Variants in ABLIM3 observed in about 807,000 individuals in gnomAD.
ABLIM3 encodes actin-binding LIM protein 3.
Under a neutral mutation model 109.5 loss-of-function variants are expected in ABLIM3, and 61 were observed. The ratio of observed to expected loss-of-function variants is 0.56; its 90% CI spans 0.45 to 0.69. The LOEUF (loss-of-function observed/expected upper bound fraction) is 0.69, where lower values mean the gene tolerates loss of function less well. Ranked by LOEUF, ABLIM3 falls within the 30% of genes least tolerant of loss-of-function variation. ABLIM3 has a pLI of 0.00. For missense variants in ABLIM3, 796 were observed against 889.5 expected (o/e 0.89, Z 1.34); for synonymous variants, 300 against 324.8 (o/e 0.92, Z 0.82).
At position 149,198,451 on chromosome 5, in the gene ABLIM3, G is replaced by C; in HGVS notation, c.335+49G>C. 6 of 1,530,380 alleles carry C rather than the reference G, an allele frequency of 3.9e-6. No individual in the cohort carries two copies. Among genetic ancestry groups the C allele is most frequent in the Non-Finnish European group, 5.3e-6 (6 of 1,141,162 alleles). The allele number at this position is 1,530,380 out of a possible 1,614,324, so 94.8% of individuals were successfully genotyped here. On this transcript the variant is annotated intron_variant, in intron 4 of 23. Coordinates refer to ENST00000309868, the MANE Select transcript of ABLIM3 (RefSeq NM_014945.5). This position sits in a 1 kb window ranked among gnomAD's most constrained non-coding sequence, Gnocchi z 4.2. The stretch of plus-strand genomic sequence containing the variant: ...TGGGACCCTCTGCATAAGCCCCCGG[G>C]GCAGGGGAAGACCTGGCTTTTTCCA...
chr5:149,141,931 G>A (rs2127420226), intron 1 of ABLIM3, 78 bp from the exon 2 acceptor site: 1 of 1,023,128 alleles, frequency 9.8e-7, no homozygotes, highest in Non-Finnish European at 1.5e-6. Flanking sequence ...CTACAGCCCA[G>A]ACAGAGAGGG....
At chr5:149,239,913 G>T (rs776125030) in intron 13 of ABLIM3, 25 bp downstream of exon 13, 1 of 1,584,700 alleles carries the variant, frequency 6.3e-7, no homozygotes, top group Non-Finnish European at 8.6e-7. Flanking sequence ...GGACCTGAAG[G>T]GAGAGGAAGA....
At chr5:149,248,927 C>T (rs1298895865) in intron 18 of ABLIM3, among the ~76,000 whole-genome samples, 2 of 151,458 alleles carry the variant, frequency 1.3e-5, no homozygotes, top group Non-Finnish European at 2.9e-5. Flanking sequence ...TTTCTTACTC[C>T]TGTGAGATGC....
chr5:149,217,394 C>T (rs534557674), intron 8 of ABLIM3: 13 of 306,340 alleles, frequency 4.2e-5, no homozygotes, highest in African/African-American at 2.5e-4. Context: ...CAGAGGGATG[C>T]CTGGGTTGCA....
intron 2 of ABLIM3, among the ~76,000 whole-genome samples, chr5:149,182,795 T>C (rs1318687908): frequency 6.6e-6 from 1 of 152,182 alleles, no homozygotes; most frequent in Non-Finnish European, 1.5e-5. Context: ...CCACCAGCAT[T>C]TTTTTCTTAA....
At chr5:149,187,555 G>A (rs562985913) in intron 3 of ABLIM3, among the ~76,000 whole-genome samples, 1 of 152,206 alleles carries the variant, frequency 6.6e-6, no homozygotes, top group Non-Finnish European at 1.5e-5. Context: ...GAATGTTTCT[G>A]TTAGATATGA....
At chr5:149,212,290 G>A (rs548822662) in intron 7 of ABLIM3, among the ~76,000 whole-genome samples, 5 of 152,282 alleles carry the variant, frequency 3.3e-5, no homozygotes, top group Admixed American at 6.5e-5. Context: ...TAAGGAGTGC[G>A]ATGCAGAGGA....
intron 2 of ABLIM3, among the ~76,000 whole-genome samples, chr5:149,179,341 T>C (rs936046094): frequency 5.3e-5 from 8 of 152,178 alleles, no homozygotes; most frequent in African/African-American, 1.9e-4. Context: ...TAAAAAATTA[T>C]ACCGACAGCC....
intron 2 of ABLIM3, among the ~76,000 whole-genome samples, chr5:149,142,316 A>G (rs1371054735): frequency 6.6e-6 from 1 of 152,170 alleles, no homozygotes; most frequent in Non-Finnish European, 1.5e-5. Flanking sequence ...CCAATATTTT[A>G]TCAGCGGCGC....
intron 10 of ABLIM3, among the ~76,000 whole-genome samples, chr5:149,234,258 TG>T (rs1762138625): frequency 6.6e-6 from 1 of 151,164 alleles, no homozygotes; most frequent in Non-Finnish European, 1.5e-5. Flanking sequence ...CTAAAGGAGG[TG>T]GGAAACGCAG....
At position 149,257,033 on chromosome 5, in the gene ABLIM3, C is replaced by T. The variant is rs111987105; in HGVS notation, c.1939-1258C>T. 2.1e-3 allele frequency among the ~76,000 whole-genome samples: 319 copies of T among 152,318 alleles called. 5 individuals carry two copies. Among genetic ancestry groups the T allele is most frequent in the African/African-American group, 7.0e-3 (290 of 41,564 alleles). On this transcript the variant is annotated intron_variant, in intron 23 of 23. Transcript: ENST00000309868. ...AATGTTAGTTCACATGGCCATGCGC[C>T]GTGGCTTACGCCTGTAATCCCAGCA...
At chr5:149,207,540 T>C (rs1044437941) in intron 6 of ABLIM3, among the ~76,000 whole-genome samples, 9 of 152,234 alleles carry the variant, frequency 5.9e-5, no homozygotes, top group African/African-American at 2.2e-4. Context: ...ATCTACCATT[T>C]ATTGAGCTTT....
chr5:149,144,493 C>T (rs1454128138), intron 2 of ABLIM3, among the ~76,000 whole-genome samples: 1 of 152,212 alleles, frequency 6.6e-6, no homozygotes, highest in Non-Finnish European at 1.5e-5. Context: ...AAATTCTTAA[C>T]TTGATCCTCA....
At chr5:149,199,580 C>T (rs542941373) in intron 4 of ABLIM3, among the ~76,000 whole-genome samples, 77 of 152,310 alleles carry the variant, frequency 5.1e-4, no homozygotes, top group Non-Finnish European at 9.3e-4. Context: ...GGCTGAGCCA[C>T]GATAAGAACA....
intron 4 of ABLIM3, chr5:149,199,101 A>G (rs1299965545): frequency 2.2e-6 from 1 of 456,704 alleles, no homozygotes; most frequent in Non-Finnish European, 4.4e-6. Flanking sequence ...CCGCATCACC[A>G]TCACTTGTTA....
At chr5:149,149,316 A>T (rs972933403) in intron 2 of ABLIM3, among the ~76,000 whole-genome samples, 1 of 152,370 alleles carries the variant, frequency 6.6e-6, no homozygotes, top group African/African-American at 2.4e-5. Flanking sequence ...GCGAAATAAC[A>T]TTAGAAACTC....
chr5:149,173,314 C>T (rs1755614713), intron 2 of ABLIM3, among the ~76,000 whole-genome samples: 2 of 152,202 alleles, frequency 1.3e-5, no homozygotes, highest in African/African-American at 4.8e-5. Flanking sequence ...AAAGGGGCCT[C>T]CAGTAGACCT....
At chr5:149,144,417 G>A (rs1456008524) in intron 2 of ABLIM3, among the ~76,000 whole-genome samples, 3 of 152,212 alleles carry the variant, frequency 2.0e-5, no homozygotes, top group Admixed American at 6.5e-5. Flanking sequence ...GGGTGATATG[G>A]ATAGGGCATT....
chr5:149,217,416 G>C (rs186784249), intron 8 of ABLIM3: 93 of 255,270 alleles, frequency 3.6e-4, no homozygotes, highest in African/African-American at 1.9e-3. Flanking sequence ...AGTGTCTATA[G>C]CATCACAGCC....
Sources: allele counts gnomAD v4.1 joint callset (sites outside exome capture counted in the v4.1 genomes callset), GRCh38; gene constraint gnomAD v4.1.1; non-coding constraint Gnocchi (gnomAD v3.1); transcripts MANE v1.5; gene names NCBI Gene and HGNC (gene_info 2026-07-23, HGNC 2026-07-21).